SH3BGRL: variants seen among roughly 807,000 people sequenced by gnomAD.
SH3BGRL encodes the protein adapter SH3BGRL.
SH3BGRL carries 7 observed loss-of-function variants against 9.8 expected under a neutral mutation model. The ratio of observed to expected loss-of-function variants is 0.72; its 90% confidence interval spans 0.41 to 1.35. SH3BGRL has a LOEUF of 1.35. Ranked by LOEUF, SH3BGRL falls within the 40% of genes most tolerant of loss-of-function variation. SH3BGRL has a pLI of 0.01. For synonymous variants in SH3BGRL, 36 were observed against 29.1 expected, an observed-to-expected ratio of 1.24 and a Z score of -0.76; for missense variants, 73 against 84.4, an observed-to-expected ratio of 0.86 and a Z score of 0.53.
At chrX:81,224,292 G>C (rs922475015) in intron 1 of SH3BGRL, among the ~76,000 whole-genome samples, 3 of 111,222 alleles carry the variant, frequency 2.7e-5, no homozygotes, top group African/African-American at 6.5e-5. Flanking sequence ...AGGAAACCCT[G>C]TGTTGGGGCG....
intron 1 of SH3BGRL, among the ~76,000 whole-genome samples, chrX:81,204,259 T>C (rs1362618737): frequency 1.8e-5 from 2 of 112,354 alleles, no homozygotes; most frequent in African/African-American, 6.5e-5. Flanking sequence ...AATAAATCCT[T>C]GCTTTATTAT....
intron 1 of SH3BGRL, among the ~76,000 whole-genome samples, chrX:81,273,839 G>C (rs2075789068): frequency 9.0e-6 from 1 of 110,908 alleles, no homozygotes; most frequent in Non-Finnish European, 1.9e-5. Context: ...GACAGAAAGG[G>C]AGCTTGCTAA....
chrX:81,279,262 T>A (rs755748911), intron 3 of SH3BGRL, among the ~76,000 whole-genome samples: 1 of 112,107 alleles, frequency 8.9e-6, no homozygotes, highest in South Asian at 3.7e-4. Flanking sequence ...GGATAAAATC[T>A]TATATTTTAG....
At position 81,297,450 on chromosome X, in the gene SH3BGRL, G is replaced by A. The variant is rs1226141559; in HGVS notation, c.*223G>A. 1 of 313,096 alleles carries A rather than the reference G, an allele frequency of 3.2e-6. No homozygotes were observed. The highest frequency in any genetic ancestry group is 5.6e-6 in the Non-Finnish European group (1 of 179,103). The allele number at this position is 313,096 out of a possible 1,213,427, so 25.8% of individuals were successfully genotyped here. A position where few individuals can be genotyped will look rare whatever the true frequency, so the allele number is the denominator to read the frequency against. Reference sequence around the variant, plus strand: ...TATTAACATAAAATTATATTAATAAGTAGATATCGTAGAAATAGTGTTGTT... The same window carrying A: ...TATTAACATAAAATTATATTAATAAATAGATATCGTAGAAATAGTGTTGTT... On this transcript the variant is annotated 3_prime_UTR_variant, in exon 4 of 4. Coordinates refer to ENST00000373212, the MANE Select transcript of SH3BGRL (RefSeq NM_003022.3).
At chrX:81,271,484 CA>C (rs2075779440) in intron 1 of SH3BGRL, among the ~76,000 whole-genome samples, 3 of 111,868 alleles carry the variant, frequency 2.7e-5, no homozygotes, top group Non-Finnish European at 5.6e-5. Context: ...TCTAGGGAGC[CA>C]GGGGTGCAGG....
chrX:81,205,993 C>A (rs946612890), intron 1 of SH3BGRL, among the ~76,000 whole-genome samples: 5 of 111,156 alleles, frequency 4.5e-5, no homozygotes, highest in Non-Finnish European at 9.4e-5. Context: ...TACCTGTTTG[C>A]GATTTGTATG....
intron 1 of SH3BGRL, among the ~76,000 whole-genome samples, chrX:81,211,542 G>A (rs772636457): frequency 2.8e-4 from 31 of 110,442 alleles, no homozygotes; most frequent in Admixed American, 7.6e-4. Context: ...ATCCGAGATC[G>A]TGCCACTGCA....
intron 1 of SH3BGRL, among the ~76,000 whole-genome samples, chrX:81,270,738 G>A (rs1181109612): frequency 3.6e-5 from 4 of 111,895 alleles, no homozygotes; most frequent in South Asian, 3.7e-4. Context: ...ACACCATGTC[G>A]GGAGAACTAC....
intron 1 of SH3BGRL, among the ~76,000 whole-genome samples, chrX:81,239,247 G>A (rs767663080): frequency 7.1e-5 from 8 of 112,204 alleles, no homozygotes; most frequent in Non-Finnish European, 1.3e-4. Flanking sequence ...ATTCAAAATA[G>A]CTGTGATGAG....
At chrX:81,241,619 G>A (rs1352309899) in intron 1 of SH3BGRL, among the ~76,000 whole-genome samples, 1 of 111,851 alleles carries the variant, frequency 8.9e-6, no homozygotes, top group East Asian at 2.8e-4. Context: ...GTCACTCAAT[G>A]AAGCTCATCT....
At chrX:81,274,257 A>G (rs973872999) in intron 1 of SH3BGRL, among the ~76,000 whole-genome samples, 2 of 111,511 alleles carry the variant, frequency 1.8e-5, no homozygotes, top group Non-Finnish European at 3.8e-5. Flanking sequence ...GGAAATTACC[A>G]TCACCAGATG....
intron 1 of SH3BGRL, among the ~76,000 whole-genome samples, chrX:81,210,711 T>C (rs2075560460): frequency 8.9e-6 from 1 of 112,078 alleles, no homozygotes; most frequent in South Asian, 3.7e-4. Flanking sequence ...TGATATTCAC[T>C]AATTACCCAC....
chrX:81,231,501 A>G (rs1472859826), intron 1 of SH3BGRL, among the ~76,000 whole-genome samples: 1 of 112,604 alleles, frequency 8.9e-6, no homozygotes, highest in Non-Finnish European at 1.9e-5. Flanking sequence ...TCTTTTTTAA[A>G]TCAATTCCGT....
intron 1 of SH3BGRL, among the ~76,000 whole-genome samples, chrX:81,269,506 A>G (rs953937324): frequency 2.1e-4 from 23 of 111,673 alleles, no homozygotes; most frequent in Non-Finnish European, 3.2e-4. Context: ...GAAATTCTGG[A>G]TTGAAAATTC....
intron 1 of SH3BGRL, among the ~76,000 whole-genome samples, chrX:81,227,883 T>C (rs2147677711): frequency 8.9e-6 from 1 of 111,969 alleles, no homozygotes; most frequent in South Asian, 3.7e-4. Context: ...ATTTCTGCAC[T>C]GTCTGGTGAA....
chrX:81,277,225 A>G, intron 2 of SH3BGRL, 56 bp downstream of exon 2: 4 of 1,011,807 alleles, frequency 4.0e-6, no homozygotes, highest in Non-Finnish European at 5.5e-6. Context: ...AAATCTATCC[A>G]TTATTTTCAC....
At chrX:81,222,533 T>C (rs1281418667) in intron 1 of SH3BGRL, among the ~76,000 whole-genome samples, 2 of 110,946 alleles carry the variant, frequency 1.8e-5, no homozygotes, top group Non-Finnish European at 3.8e-5. Flanking sequence ...TAGTATTCCA[T>C]GGTGTATATG....
chrX:81,228,396 G>C (rs1366683453), intron 1 of SH3BGRL, among the ~76,000 whole-genome samples: 1 of 112,068 alleles, frequency 8.9e-6, no homozygotes, highest in African/African-American at 3.2e-5. Flanking sequence ...GATTGAAAGA[G>C]TTACTATCTA....
At chrX:81,286,076 G>T (rs2075833081) in intron 3 of SH3BGRL, among the ~76,000 whole-genome samples, 1 of 111,176 alleles carries the variant, frequency 9.0e-6, no homozygotes, top group Non-Finnish European at 1.9e-5. Flanking sequence ...TTTTATATTG[G>T]ATTGTTTAAA....
Sources: gnomAD v4.1 joint callset for allele counts (sites outside exome capture counted in the v4.1 genomes callset) on GRCh38, gnomAD v4.1.1 for gene constraint, MANE v1.5 for transcripts, NCBI Gene and HGNC (gene_info 2026-07-23, HGNC 2026-07-21) for gene names.